The following TMEM200C variants were observed in gnomAD, a reference collection of about 807,000 sequenced individuals.
TMEM200C encodes transmembrane protein TTMA.
For missense variants in TMEM200C, 966 were observed against 699.9 expected (o/e 1.38, Z -4.29); for synonymous variants, 462 against 324.7 (o/e 1.42, Z -4.55).
intron 2 of TMEM200C, among the ~76,000 whole-genome samples, chr18:5,894,660 T>C (rs2144462439): frequency 6.6e-6 from 1 of 152,332 alleles, no homozygotes; most frequent in African/African-American, 2.4e-5. Context: ...TCCCACAGGC[T>C]GGGAGCGCTG....
chr18:5,886,908 A>C (rs146572038), exon 3 of TMEM200C: 1 of 152,328 alleles, frequency 6.6e-6, no homozygotes, highest in African/African-American at 2.4e-5. Context: ...TTAGCAGTTG[A>C]TTCTATTTTA....
At chr18:5,886,275 G>T (rs1410951329) in exon 3 of TMEM200C, 1 of 152,054 alleles carries the variant, frequency 6.6e-6, no homozygotes, top group African/African-American at 2.4e-5. Flanking sequence ...GCCTAATAGG[G>T]GGCTGAGACC....
At position 5,891,601 on chromosome 18, in the gene TMEM200C, T is replaced by A. The variant is rs2095171134; in HGVS notation, c.463A>T (p.Ile155Phe). 1.9e-6 allele frequency: 3 copies of A among 1,613,700 alleles called. No homozygotes were observed. Among genetic ancestry groups the A allele is most frequent in the Non-Finnish European group, 8.5e-7 (1 of 1,179,808 alleles). ...TCAGAGTGCAGGTAGCCAGAGAAGATGCGGAAGAAGAAGCCCACGGACGTG... is the reference window on the plus strand; with the variant it reads ...TCAGAGTGCAGGTAGCCAGAGAAGAAGCGGAAGAAGAAGCCCACGGACGTG... Residue 155 changes from isoleucine (I) to phenylalanine (F), a missense_variant, in exon 3 of 3, where the codon ATC (isoleucine) becomes TTC (phenylalanine). Coordinates refer to ENST00000581347, the Ensembl canonical transcript of TMEM200C. The surrounding 1 kb of genome is among the most constrained non-coding windows in gnomAD (Gnocchi z 4.7).
exon 3 of TMEM200C, chr18:5,888,624 A>T (rs1010784708): frequency 2.6e-5 from 4 of 152,188 alleles, no homozygotes; most frequent in Non-Finnish European, 5.9e-5. Flanking sequence ...GACTTTCTTG[A>T]GCTCAAGTTC....
chr18:5,892,052 G>C lies in TMEM200C; in HGVS notation c.12C>G (p.Thr4=), dbSNP rs1452366356. The C allele has an allele frequency of 1.1e-5, 18 of 1,612,730 alleles. 1 individual carries two copies. The highest frequency in any genetic ancestry group is 7.7e-5 in the South Asian group (7 of 90,872). The change falls in exon 3 of 3, where the codon ACC becomes ACG. Residue 4 remains threonine, a synonymous_variant. Coordinates refer to ENST00000581347, the Ensembl canonical transcript of TMEM200C. ...TGGCGGAAATCCTTAGCAGGCCGCC[G>C]GTGGCGATCATGGCGAGCTCCTGGA...
exon 3 of TMEM200C, chr18:5,890,768 C>A (rs1470672525): frequency 6.6e-6 from 4 of 610,454 alleles, no homozygotes; most frequent in Admixed American, 2.6e-5. Context: ...GCGCCCCGCG[C>A]ATGCTGCCCT....
intron 1 of TMEM200C, 103 bp from the exon 1 acceptor site, chr18:5,895,625 C>A (rs1296555369): frequency 6.9e-6 from 1 of 144,142 alleles, no homozygotes; most frequent in African/African-American, 2.5e-5. Context: ...CGCCGGCCTT[C>A]CCCGCTCCCC....
intron 2 of TMEM200C, among the ~76,000 whole-genome samples, chr18:5,892,755 G>A (rs893895767): frequency 1.3e-5 from 2 of 152,080 alleles, no homozygotes; most frequent in South Asian, 2.1e-4. Context: ...GCAGGCAGGC[G>A]GTTTATTTAC....
At chr18:5,890,673 T>C in exon 3 of TMEM200C, 1 of 568,220 alleles carries the variant, frequency 1.8e-6, no homozygotes. Context: ...CAAGGCCGCG[T>C]ACCTGCCGGT....
exon 3 of TMEM200C, chr18:5,884,874 T>C (rs917371419): frequency 1.3e-5 from 2 of 152,164 alleles, no homozygotes; most frequent in Non-Finnish European, 2.9e-5. Context: ...GTTTCTCAAC[T>C]TAAAATAAAT....
chr18:5,891,513 T>A lies in TMEM200C; in HGVS notation c.551A>T (p.Asn184Ile). The A allele has an allele frequency of 6.2e-7, 1 of 1,610,648 alleles. No homozygotes were observed. Among genetic ancestry groups the A allele is most frequent in the Non-Finnish European group, 8.5e-7 (1 of 1,178,572 alleles). The change falls in exon 3 of 3, where the codon AAC (asparagine) becomes ATC (isoleucine). Residue 184 changes from asparagine to isoleucine, a missense_variant. Asn to Ile is a moderately radical substitution (Grantham distance 149). Coordinates refer to ENST00000581347, the Ensembl canonical transcript of TMEM200C. The surrounding 1 kb of genome is among the most constrained non-coding windows in gnomAD (Gnocchi z 4.7). ...GTCCCGGTTCTCGTGGAGGACCGCG[T>A]TTGCGCAGATGAAGAGGAAGATGCC...
intron 2 of TMEM200C, among the ~76,000 whole-genome samples, chr18:5,894,503 G>T (rs1323914554): frequency 1.3e-5 from 2 of 152,174 alleles, no homozygotes; most frequent in African/African-American, 4.8e-5. Flanking sequence ...GCAATTTACT[G>T]CCTGGAGCTG....
chr18:5,890,103 T>C, exon 3 of TMEM200C: 2 of 1,159,950 alleles, frequency 1.7e-6, no homozygotes, highest in Non-Finnish European at 2.3e-6. Context: ...TGTCCTCGGA[T>C]CAGTCCACAA....
At chr18:5,884,402 T>C (rs1026580398) in exon 3 of TMEM200C, 1 of 152,200 alleles carries the variant, frequency 6.6e-6, no homozygotes, top group South Asian at 2.1e-4. Flanking sequence ...ATTTGTATCA[T>C]AACTCTCTTG....
rs1599528978 is a variant in TMEM200C at position 5,895,497 on chromosome 18, A to T, written c.-545-17T>A. The T allele has an allele frequency of 6.7e-6, 1 of 148,832 alleles. No homozygotes were observed. The highest frequency in any genetic ancestry group is 2.4e-5 in the African/African-American group (1 of 40,882). 9.2% of individuals were successfully genotyped at this position (148,832 alleles called of 1,614,324 possible). A position where few individuals can be genotyped will look rare whatever the true frequency, so the allele number is the denominator to read the frequency against. On this transcript the variant is annotated splice_polypyrimidine_tract_variant and intron_variant, in intron 1 of 2. An upstream start codon of the reference 5' UTR is lost. Coordinates refer to ENST00000581347, the Ensembl canonical transcript of TMEM200C. ...CGGCTGTTGCTAAGAGACCGGAGCC[A>T]TGACACAGGGAAATTGCGGCAGGGT...
chr18:5,884,685 T>G (rs2095164101), exon 3 of TMEM200C: 1 of 152,146 alleles, frequency 6.6e-6, no homozygotes, highest in Non-Finnish European at 1.5e-5. Flanking sequence ...TTTTAGGTTG[T>G]GTCTATACAA....
exon 3 of TMEM200C, chr18:5,888,277 A>C (rs2095166913): frequency 6.6e-6 from 1 of 152,242 alleles, no homozygotes; most frequent in Non-Finnish European, 1.5e-5. Context: ...TCCTTAGTGC[A>C]AACTCACTTT....
At chr18:5,892,016 A>T (rs533247043) in exon 3 of TMEM200C, 1 of 1,613,752 alleles carries the variant, frequency 6.2e-7, no homozygotes, top group East Asian at 2.2e-5. Flanking sequence ...GGCGGAGTGG[A>T]TCCTGCTTTC....
In TMEM200C at chr18:5,890,551, A is replaced by G. The variant is rs748022659; in HGVS notation, c.1513T>C (p.Ser505Pro). 3.9e-5 allele frequency: 56 copies of G among 1,435,642 alleles called. 1 individual carries two copies. The East Asian group carries it at 1.4e-3, about 35-fold the overall frequency. 88.9% of individuals were successfully genotyped at this position (1,435,642 alleles called of 1,614,324 possible). ...TCCAGCCGCAGGGGTGGCGAGGGGG[A>G]GGCGGCCTTGGCCAGAGGGCTGGAG... Residue 505 changes from serine to proline, a missense_variant, in exon 3 of 3, where the codon TCC becomes CCC. Physicochemically the swap from Ser to Pro is moderately conservative, Grantham distance 74. Coordinates refer to ENST00000581347, the Ensembl canonical transcript of TMEM200C.
Sources: gnomAD v4.1 joint callset for allele counts (sites outside exome capture counted in the v4.1 genomes callset) on GRCh38, gnomAD v4.1.1 for gene constraint, Gnocchi (gnomAD v3.1) non-coding constraint, MANE v1.5 for transcripts, NCBI Gene and HGNC (gene_info 2026-07-23, HGNC 2026-07-21) for gene names.